The following GALNT13 variants were observed in gnomAD, a reference collection of about 807,000 sequenced individuals.
GALNT13 encodes the protein polypeptide N-acetylgalactosaminyltransferase 13.
GALNT13 carries 28 observed loss-of-function variants against 64.2 expected under a neutral mutation model. The ratio of observed to expected loss-of-function variants is 0.44; its 90% confidence interval spans 0.32 to 0.60. GALNT13 has a LOEUF of 0.60. Ranked by LOEUF, GALNT13 falls within the 20% of genes least tolerant of loss-of-function variation. The pLI is 0.05. For synonymous variants in GALNT13, 214 were observed against 224.6 expected, an observed-to-expected ratio of 0.95 and a Z score of 0.42; for missense variants, 577 against 669.8, an observed-to-expected ratio of 0.86 and a Z score of 1.53.
chr2:154,325,440 G>C (rs1694828095), intron 9 of GALNT13, among the ~76,000 whole-genome samples: 1 of 152,136 alleles, frequency 6.6e-6, no homozygotes. Flanking sequence ...TAAGGTAAAT[G>C]AGGTGAGGCC....
chr2:153,227,264 C>A, the GALNT13 span, among the ~76,000 whole-genome samples: 3 of 152,186 alleles, frequency 2.0e-5, no homozygotes, highest in South Asian at 2.1e-4. Context: ...TTCTCTAGGA[C>A]CTCCAGGTCG....
chr2:153,426,470 C>A, the GALNT13 span, among the ~76,000 whole-genome samples: 2 of 151,938 alleles, frequency 1.3e-5, no homozygotes, highest in South Asian at 4.1e-4. Context: ...TGTAGGAAAT[C>A]CAGTATTACA....
intron 3 of GALNT13, among the ~76,000 whole-genome samples, chr2:154,004,750 T>C (rs1255056807): frequency 6.6e-6 from 1 of 152,178 alleles, no homozygotes; most frequent in Non-Finnish European, 1.5e-5. Context: ...AACTTTTCTA[T>C]TGGTGAGAAA....
chr2:153,532,289 C>G, the GALNT13 span, among the ~76,000 whole-genome samples: 1 of 152,066 alleles, frequency 6.6e-6, no homozygotes, highest in East Asian at 1.9e-4. Context: ...GAAGCCACCC[C>G]TCTGAAGGCA....
chr2:153,984,562 C>T (rs1353410534), intron 3 of GALNT13, among the ~76,000 whole-genome samples: 2 of 150,466 alleles, frequency 1.3e-5, no homozygotes, highest in East Asian at 2.0e-4. Flanking sequence ...GTGAGTTATC[C>T]ATTTGGTTAT....
At chr2:153,836,859 A>G in the GALNT13 span, among the ~76,000 whole-genome samples, 6 of 152,088 alleles carry the variant, frequency 3.9e-5, no homozygotes, top group African/African-American at 1.5e-4. Context: ...ATGGCTGCAT[A>G]GTATTCCGTG....
At chr2:153,547,072 G>A in the GALNT13 span, among the ~76,000 whole-genome samples, 1 of 152,226 alleles carries the variant, frequency 6.6e-6, no homozygotes, top group African/African-American at 2.4e-5. Flanking sequence ...TCATGTACAA[G>A]ATGGATGAAG....
the GALNT13 span, among the ~76,000 whole-genome samples, chr2:153,295,249 C>CAG: frequency 6.6e-6 from 1 of 152,244 alleles, no homozygotes. Flanking sequence ...AGATAACTTA[C>CAG]ATTTGTATCA....
chr2:153,132,925 G>A, the GALNT13 span, among the ~76,000 whole-genome samples: 3 of 151,928 alleles, frequency 2.0e-5, no homozygotes, highest in South Asian at 6.2e-4. Flanking sequence ...ATTTCGCCAT[G>A]TTACCCAGGC....
intron 4 of GALNT13, among the ~76,000 whole-genome samples, chr2:154,202,312 A>G (rs554501445): frequency 2.0e-5 from 3 of 152,124 alleles, no homozygotes; most frequent in Non-Finnish European, 2.9e-5. Flanking sequence ...TTAATTACAT[A>G]TAGTAAGTAC....
At chr2:153,130,177 C>T in the GALNT13 span, among the ~76,000 whole-genome samples, 3 of 152,184 alleles carry the variant, frequency 2.0e-5, no homozygotes, top group Non-Finnish European at 4.4e-5. Flanking sequence ...GACAAGGCAT[C>T]ATCATCTCTT....
chr2:153,279,348 T>A, the GALNT13 span, among the ~76,000 whole-genome samples: 1 of 152,174 alleles, frequency 6.6e-6, no homozygotes, highest in African/African-American at 2.4e-5. Context: ...TTCCTTTTAT[T>A]TCCTCCTTTT....
At chr2:153,734,579 G>T in the GALNT13 span, among the ~76,000 whole-genome samples, 2 of 152,198 alleles carry the variant, frequency 1.3e-5, no homozygotes, top group African/African-American at 4.8e-5. Flanking sequence ...CGTAATTGCA[G>T]GTTTGCCATT....
At chr2:153,583,368 T>C in the GALNT13 span, among the ~76,000 whole-genome samples, 1 of 152,206 alleles carries the variant, frequency 6.6e-6, no homozygotes, top group African/African-American at 2.4e-5. Context: ...CCAGGATACG[T>C]TATCCACTTA....
At chr2:153,397,266 G>A in the GALNT13 span, among the ~76,000 whole-genome samples, 1 of 152,106 alleles carries the variant, frequency 6.6e-6, no homozygotes, top group Non-Finnish European at 1.5e-5. Flanking sequence ...CAGGGTGTAT[G>A]TTCAAATCTA....
At chr2:154,150,036 C>T (rs1558988274) in intron 4 of GALNT13, among the ~76,000 whole-genome samples, 1 of 152,128 alleles carries the variant, frequency 6.6e-6, no homozygotes, top group Non-Finnish European at 1.5e-5. Flanking sequence ...CCAGTTTTTG[C>T]CCATTCAGTA....
intron 3 of GALNT13, among the ~76,000 whole-genome samples, chr2:154,090,847 G>A (rs968657125): frequency 3.3e-5 from 5 of 151,632 alleles, no homozygotes; most frequent in African/African-American, 7.3e-5. Context: ...TTAAAAAACC[G>A]AATCTACAGT....
At chr2:154,435,243 C>A (rs1359708513) in intron 11 of GALNT13, among the ~76,000 whole-genome samples, 1 of 152,178 alleles carries the variant, frequency 6.6e-6, no homozygotes, top group African/African-American at 2.4e-5. Flanking sequence ...AGAGAATGTA[C>A]AATGAGATTT....
intron 2 of GALNT13, among the ~76,000 whole-genome samples, chr2:153,933,330 CT>C (rs939521358): frequency 1.3e-5 from 2 of 152,040 alleles, no homozygotes; most frequent in African/African-American, 2.4e-5. Flanking sequence ...CTTCTTTTGT[CT>C]TTTTTGATCT....
Sources: gnomAD v4.1 joint callset for allele counts (sites outside exome capture counted in the v4.1 genomes callset) on GRCh38, gnomAD v4.1.1 for gene constraint, MANE v1.5 for transcripts, NCBI Gene and HGNC (gene_info 2026-07-23, HGNC 2026-07-21) for gene names.